The following PLCL2 variants were observed in gnomAD, a reference collection of about 807,000 sequenced individuals.
The protein encoded by PLCL2 is inactive phospholipase C-like protein 2.
A neutral mutation model predicts 79.6 loss-of-function variants in PLCL2; 4 were observed. The ratio of observed to expected loss-of-function variants is 0.05; its 90% CI spans 0.02 to 0.11. The LOEUF (loss-of-function observed/expected upper bound fraction) is 0.11. Among genes scored for constraint, PLCL2 ranks in the 10% least tolerant of loss-of-function variants. PLCL2 has a pLI of 1.00. For synonymous variants in PLCL2, 484 were observed against 457.7 expected, an observed-to-expected ratio of 1.06 and a Z score of -0.73; for missense variants, 895 against 1,291.0, an observed-to-expected ratio of 0.69 and a Z score of 4.70.
chr3:17,056,641 A>G (rs2064894829), intron 4 of PLCL2, among the ~76,000 whole-genome samples: 1 of 152,204 alleles, frequency 6.6e-6, no homozygotes. Context: ...TGTCAATAAC[A>G]TATTAACATA....
intron 1 of PLCL2, among the ~76,000 whole-genome samples, chr3:16,921,230 A>G (rs770993152): frequency 9.9e-5 from 15 of 152,258 alleles, no homozygotes. Flanking sequence ...GGACTGTTCC[A>G]GAATAAGGTT....
intron 3 of PLCL2, among the ~76,000 whole-genome samples, chr3:17,023,105 A>G (rs1184695546): frequency 1.3e-5 from 2 of 152,068 alleles, no homozygotes; most frequent in Non-Finnish European, 2.9e-5. Context: ...TCCACTTTCT[A>G]TTCACCTCGA....
At chr3:17,043,057 A>G (rs1392004856) in intron 4 of PLCL2, 108 bp downstream of exon 4, 10 of 751,292 alleles carry the variant, frequency 1.3e-5, no homozygotes, top group Non-Finnish European at 1.9e-5. Flanking sequence ...TCAAATAAGA[A>G]AATTATTTTT....
intron 1 of PLCL2, among the ~76,000 whole-genome samples, chr3:17,006,859 C>T (rs751474279): frequency 3.3e-5 from 5 of 152,196 alleles, no homozygotes; most frequent in Non-Finnish European, 7.3e-5. Context: ...TATTAACTTA[C>T]TTTGCTATTA....
intron 5 of PLCL2, chr3:17,081,154 A>T (rs1422351787): frequency 3.5e-5 from 16 of 456,556 alleles, no homozygotes; most frequent in Non-Finnish European, 6.2e-5. Context: ...AGGTATCTAA[A>T]TTCTGCTGTG....
At chr3:17,060,646 A>C (rs2064942110) in intron 4 of PLCL2, among the ~76,000 whole-genome samples, 1 of 152,206 alleles carries the variant, frequency 6.6e-6, no homozygotes, top group Admixed American at 6.5e-5. Flanking sequence ...TTCTTATAAA[A>C]TTATCAGCTA....
chr3:16,929,168 A>G (rs1180207187), intron 1 of PLCL2, among the ~76,000 whole-genome samples: 4 of 151,864 alleles, frequency 2.6e-5, no homozygotes, highest in Non-Finnish European at 4.4e-5. Flanking sequence ...GTGAGAGACA[A>G]CTAGGAAACC....
intron 3 of PLCL2, among the ~76,000 whole-genome samples, chr3:17,021,343 G>T (rs1419536660): frequency 1.3e-5 from 2 of 152,142 alleles, no homozygotes; most frequent in Admixed American, 6.6e-5. Context: ...AATGGTTCAA[G>T]TTACCAAGCC....
intron 4 of PLCL2, among the ~76,000 whole-genome samples, chr3:17,052,236 C>CA (rs35316797): frequency 0.24 from 23,595 of 96,984 alleles, 2,682 homozygotes; most frequent in African/African-American, 0.36. Flanking sequence ...GTGAATATGG[C>CA]AAAAAAAAAA....
chr3:17,043,014 C>G (rs1243714815), intron 4 of PLCL2, 65 bp downstream of exon 4: 12 of 1,063,974 alleles, frequency 1.1e-5, no homozygotes, highest in Non-Finnish European at 1.7e-5. Flanking sequence ...TGCCCCAAAA[C>G]TATTTCATTT....
Position 17,009,749 on chromosome 3 carries a change from A to T in PLCL2, c.403A>T (p.Ser135Cys), listed in dbSNP as rs1364879500. 5 of 1,612,996 alleles carry T rather than the reference A, an allele frequency of 3.1e-6. No individual in the cohort carries two copies. In the African/African-American group the frequency reaches 5.3e-5, roughly 17 times the overall value. ...SSMPTEKKIS[S>C]ASDCINSMVE... The stretch of plus-strand genomic sequence containing the variant: ...CATGCCAACAGAGAAGAAGATCAGC[A>T]GTGCAAGTGATTGTATTAATTCAAT... The change falls in exon 2 of 6, where the codon AGT becomes TGT. Residue 135 changes from serine to cysteine, a missense_variant. Ser to Cys is a moderately radical substitution (Grantham distance 112). This residue lies in a region of PLCL2 where 129 missense variants were observed against 208.8 expected (regional missense o/e 0.62). Transcript: ENST00000615277. The surrounding 1 kb of genome is among the most constrained non-coding windows in gnomAD (Gnocchi z 4.0).
chr3:16,912,383 C>T lies in PLCL2; in HGVS notation c.327+27017C>T, dbSNP rs569341731. Among the ~76,000 whole-genome samples, 7 of 152,092 alleles carry T rather than the reference C, an allele frequency of 4.6e-5. No homozygotes were observed. The East Asian group carries it at 1.4e-3, about 29-fold the overall frequency. ...TATTCATGTGTTTGGACATCTGTGT[C>T]CTTATCAAAAGAAAGAATGTATATA... On this transcript the variant is annotated intron_variant, in intron 1 of 5. Transcript: ENST00000615277.
At chr3:16,965,984 A>T (rs190716978) in intron 1 of PLCL2, among the ~76,000 whole-genome samples, 1 of 151,984 alleles carries the variant, frequency 6.6e-6, no homozygotes, top group Non-Finnish European at 1.5e-5. Context: ...TTGACTTCCT[A>T]TTTTCCTAAT....
intron 1 of PLCL2, among the ~76,000 whole-genome samples, chr3:17,005,313 G>C (rs1160385789): frequency 6.6e-6 from 1 of 152,110 alleles, no homozygotes; most frequent in Non-Finnish European, 1.5e-5. Context: ...TAAATCGATT[G>C]AATCAGTGCC....
chr3:16,897,631 GT>G (rs927969051), intron 1 of PLCL2, among the ~76,000 whole-genome samples: 1 of 152,216 alleles, frequency 6.6e-6, no homozygotes, highest in African/African-American at 2.4e-5. Flanking sequence ...TGCCAGACAG[GT>G]GTCTGTTTGT....
chr3:16,997,068 C>T (rs781552967), intron 1 of PLCL2, among the ~76,000 whole-genome samples: 14 of 152,138 alleles, frequency 9.2e-5, no homozygotes, highest in Non-Finnish European at 1.9e-4. Context: ...AACACATATA[C>T]CTTACATAAA....
intron 1 of PLCL2, among the ~76,000 whole-genome samples, chr3:16,925,056 T>C (rs1223452949): frequency 6.6e-6 from 1 of 151,978 alleles, no homozygotes; most frequent in Non-Finnish European, 1.5e-5. Context: ...CCCGTGTAGC[T>C]GGGACTACAG....
intron 4 of PLCL2, among the ~76,000 whole-genome samples, chr3:17,065,737 G>A (rs1435363366): frequency 6.6e-6 from 1 of 152,148 alleles, no homozygotes; most frequent in Non-Finnish European, 1.5e-5. Context: ...TGTAATATGT[G>A]GTCCTGCGTT....
chr3:16,885,266 C>T lies in PLCL2; in HGVS notation c.227C>T (p.Pro76Leu), dbSNP rs1383448753. The change falls in exon 1 of 6, where the codon CCC becomes CTC. Residue 76 changes from proline (P) to leucine (L), a missense_variant. By Grantham distance (98) the Pro-to-Leu change is moderately conservative. Coordinates refer to ENST00000615277, the MANE Select transcript of PLCL2 (RefSeq NM_001144382.2). Reference sequence around the variant, plus strand: ...GCCCGGGCTAGCCCTACCAGGGGACCCCGCGGCGTTGCGCTCGCCCCGACC... The same window carrying T: ...GCCCGGGCTAGCCCTACCAGGGGACTCCGCGGCGTTGCGCTCGCCCCGACC... Reference protein sequence around the residue: ...DEARASPTRGPRGVALAPTPS... With the variant: ...DEARASPTRGLRGVALAPTPS... 4.5e-6 allele frequency: 3 copies of T among 666,696 alleles called. No homozygotes were observed. Among genetic ancestry groups the T allele is most frequent in the Admixed American group, 2.2e-5 (1 of 45,064 alleles). 41.3% of individuals were successfully genotyped at this position (666,696 alleles called of 1,614,324 possible).
Sources: gnomAD v4.1 joint callset for allele counts (sites outside exome capture counted in the v4.1 genomes callset) on GRCh38, gnomAD v4.1.1 for gene constraint, gnomAD v4.1.1 regional missense constraint, Gnocchi (gnomAD v3.1) non-coding constraint, MANE v1.5 for transcripts, NCBI Gene and HGNC (gene_info 2026-07-23, HGNC 2026-07-21) for gene names.